CLYBL: variants seen among roughly 807,000 people sequenced by gnomAD.
CLYBL encodes the protein citramalyl-CoA lyase.
A neutral mutation model predicts 38.9 loss-of-function variants in CLYBL; 31 were observed. That is an observed-to-expected ratio of 0.80 (90% confidence interval 0.60 to 1.08). CLYBL has a LOEUF of 1.08. CLYBL is among the 50% of genes least tolerant of loss of function. The probability of loss-of-function intolerance (pLI) is 0.00; values close to 1 mark genes in which losing one functional copy is unlikely to be tolerated. For synonymous variants in CLYBL, 171 were observed against 158.6 expected (o/e 1.08, Z -0.59); for missense variants, 434 against 411.6 (o/e 1.05, Z -0.47).
At chr13:99,872,943 CTTTTTTT>C (rs5806140) in intron 7 of CLYBL, among the ~76,000 whole-genome samples, 4 of 147,514 alleles carry the variant, frequency 2.7e-5, no homozygotes, top group Non-Finnish European at 4.5e-5. Context: ...CAATTCTGGA[CTTTTTTT>C]TTTTTTAAAT....
chr13:99,747,331 G>T (rs2048870846), intron 1 of CLYBL, among the ~76,000 whole-genome samples: 1 of 149,080 alleles, frequency 6.7e-6, no homozygotes. Flanking sequence ...CCTTTTTCTG[G>T]TTTTCTCTCT....
intron 3 of CLYBL, among the ~76,000 whole-genome samples, chr13:99,861,472 C>G (rs772382513): frequency 5.9e-5 from 9 of 152,066 alleles, no homozygotes; most frequent in Non-Finnish European, 1.0e-4. Context: ...TTTTTAACAC[C>G]AAAACCACTA....
chr13:99,672,522 C>G (rs541567005), intron 1 of CLYBL, among the ~76,000 whole-genome samples: 66 of 152,108 alleles, frequency 4.3e-4, no homozygotes, highest in Non-Finnish European at 8.4e-4. Flanking sequence ...ACCGATAATT[C>G]CAGCACTTTG....
At chr13:99,703,583 G>A (rs1232856887) in intron 1 of CLYBL, among the ~76,000 whole-genome samples, 3 of 152,136 alleles carry the variant, frequency 2.0e-5, no homozygotes, top group Admixed American at 2.0e-4. Flanking sequence ...GTTAGCCAGA[G>A]TAGTCCGATC....
chr13:99,826,842 G>A (rs1271794588), intron 2 of CLYBL, among the ~76,000 whole-genome samples: 2 of 152,140 alleles, frequency 1.3e-5, no homozygotes, highest in African/African-American at 4.8e-5. Flanking sequence ...GCCCCTTGGC[G>A]AGGAATCTCC....
chr13:99,627,109 C>T (rs777514143), intron 1 of CLYBL, among the ~76,000 whole-genome samples: 3 of 151,544 alleles, frequency 2.0e-5, no homozygotes, highest in South Asian at 2.1e-4. Flanking sequence ...TTTTTTAATC[C>T]GACACTTTTG....
At chr13:99,710,494 G>A (rs2048213780) in intron 1 of CLYBL, among the ~76,000 whole-genome samples, 1 of 152,140 alleles carries the variant, frequency 6.6e-6, no homozygotes, top group African/African-American at 2.4e-5. Context: ...GACTTATGAA[G>A]ACAATGTAGG....
intron 2 of CLYBL, among the ~76,000 whole-genome samples, chr13:99,782,594 A>G (rs2049682739): frequency 6.6e-6 from 1 of 152,218 alleles, no homozygotes; most frequent in Non-Finnish European, 1.5e-5. Context: ...GTGCCATCCT[A>G]CTGTAAAAAT....
chr13:99,628,319 C>G (rs1566592516), intron 1 of CLYBL, among the ~76,000 whole-genome samples: 1 of 152,222 alleles, frequency 6.6e-6, no homozygotes, highest in East Asian at 1.9e-4. Context: ...ACATCCCTCT[C>G]TCCAGAGAGA....
chr13:99,661,717 A>T (rs1016700886), intron 1 of CLYBL, among the ~76,000 whole-genome samples: 1 of 152,172 alleles, frequency 6.6e-6, no homozygotes, highest in South Asian at 2.1e-4. Context: ...GATTTTTTTT[A>T]AAGTATGATT....
chr13:99,713,736 T>A (rs887761714), intron 1 of CLYBL, among the ~76,000 whole-genome samples: 1 of 152,128 alleles, frequency 6.6e-6, no homozygotes, highest in Non-Finnish European at 1.5e-5. Flanking sequence ...CAGGCTGGAG[T>A]GCAGTGGTGC....
chr13:99,684,441 G>A (rs1202814966), intron 1 of CLYBL, among the ~76,000 whole-genome samples: 1 of 152,004 alleles, frequency 6.6e-6, no homozygotes, highest in African/African-American at 2.4e-5. Flanking sequence ...GTTATGTGGC[G>A]CATGACTGTA....
intron 1 of CLYBL, among the ~76,000 whole-genome samples, chr13:99,707,171 C>T (rs2048159371): frequency 6.6e-6 from 1 of 152,176 alleles, no homozygotes; most frequent in Non-Finnish European, 1.5e-5. Flanking sequence ...GCAGGTCATA[C>T]TGTTCAAATT....
At chr13:99,672,504 T>G (rs1002639810) in intron 1 of CLYBL, among the ~76,000 whole-genome samples, 3 of 152,088 alleles carry the variant, frequency 2.0e-5, no homozygotes, top group African/African-American at 7.2e-5. Flanking sequence ...CTGGGTGTGG[T>G]GGCTCACACC....
At chr13:99,754,828 G>A (rs1196758269) in intron 1 of CLYBL, among the ~76,000 whole-genome samples, 3 of 145,468 alleles carry the variant, frequency 2.1e-5, no homozygotes, top group South Asian at 2.2e-4. Flanking sequence ...TCCTGACCTC[G>A]TGATCCACTC....
chr13:99,782,955 T>C (rs2049691124), intron 2 of CLYBL, among the ~76,000 whole-genome samples: 2 of 152,198 alleles, frequency 1.3e-5, no homozygotes, highest in African/African-American at 4.8e-5. Flanking sequence ...AGTTAGTTCT[T>C]CATGTTTAAT....
At chr13:99,713,068 C>T (rs951576216) in intron 1 of CLYBL, among the ~76,000 whole-genome samples, 2 of 152,138 alleles carry the variant, frequency 1.3e-5, no homozygotes, top group Admixed American at 1.3e-4. Flanking sequence ...AAAGGCATTG[C>T]TCCCTTTTTT....
intron 6 of CLYBL, among the ~76,000 whole-genome samples, chr13:99,870,485 CATGGA>C (rs553937169): frequency 5.3e-4 from 81 of 152,250 alleles, no homozygotes; most frequent in Non-Finnish European, 1.0e-3. Context: ...TAAGAGAAAT[CATGGA>C]AAGAGGTATA....
Position 99,772,907 on chromosome 13 carries a change from T to A in CLYBL, c.146T>A (p.Leu49His). ...AAGTACATCCCCCGGAGGGCAGTGC[T>A]TTATGTACCTGGAAATGATGAAAAG... ...HHKYIPRRAV[L>H]YVPGNDEKKI... Residue 49 changes from leucine to histidine, a missense_variant, in exon 2 of 9, where the codon CTT (leucine) becomes CAT (histidine). Leu to His is a moderately conservative substitution (Grantham distance 99). Transcript: ENST00000339105. The A allele has an allele frequency of 1.2e-6, 2 of 1,613,948 alleles. No individual in the cohort carries two copies. The highest frequency in any genetic ancestry group is 1.7e-6 in the Non-Finnish European group (2 of 1,179,918).
Sources: allele counts gnomAD v4.1 joint callset (sites outside exome capture counted in the v4.1 genomes callset), GRCh38; gene constraint gnomAD v4.1.1; transcripts MANE v1.5; gene names NCBI Gene and HGNC (gene_info 2026-07-23, HGNC 2026-07-21).